NEURL1: variants seen among roughly 807,000 people sequenced by gnomAD.
NEURL1 encodes the protein E3 ubiquitin-protein ligase NEURL1.
Under a neutral mutation model 41.2 loss-of-function variants are expected in NEURL1, and 26 were observed. That is an observed-to-expected ratio of 0.63 (90% CI 0.46 to 0.87). NEURL1 has a LOEUF of 0.87. Among genes scored for constraint, NEURL1 ranks in the 40% least tolerant of loss-of-function variants. The pLI is 0.00. For synonymous variants in NEURL1, 400 were observed against 402.3 expected (o/e 0.99, Z 0.07); for missense variants, 761 against 871.1 (o/e 0.87, Z 1.59).
intron 1 of NEURL1, among the ~76,000 whole-genome samples, chr10:103,570,168 C>A (rs908414241): frequency 6.6e-6 from 1 of 152,216 alleles, no homozygotes; most frequent in Non-Finnish European, 1.5e-5. Context: ...CTCCATTCTT[C>A]ACGGTTCTGT....
At chr10:103,536,314 C>T (rs998686638) in intron 1 of NEURL1, among the ~76,000 whole-genome samples, 1 of 152,114 alleles carries the variant, frequency 6.6e-6, no homozygotes, top group East Asian at 1.9e-4. Context: ...GAGGCTGAGG[C>T]GGGTGGATCA....
rs2035861421 is a variant in NEURL1, at chr10:103,584,680, C to A, written c.794C>A (p.Ala265Asp). 7.0e-7 allele frequency: 1 copy of A among 1,429,926 alleles called. No homozygotes were observed. Among genetic ancestry groups the A allele is most frequent in the Non-Finnish European group, 9.1e-7 (1 of 1,097,882 alleles). 88.6% of individuals were successfully genotyped at this position (1,429,926 alleles called of 1,614,324 possible). A position where few individuals can be genotyped will look rare whatever the true frequency, so the allele number is the denominator to read the frequency against. Reference protein sequence around the residue: ...LNVPGADGDEAAPAAGCPIPQ... With the variant: ...LNVPGADGDEDAPAAGCPIPQ... Reference sequence around the variant, plus strand: ...GTGCCGGGCGCGGACGGCGACGAGGCCGCGCCGGCCGCCGGCTGCCCCATC... The same window carrying A: ...GTGCCGGGCGCGGACGGCGACGAGGACGCGCCGGCCGCCGGCTGCCCCATC... Residue 265 changes from alanine (A) to aspartate (D), a missense_variant, in exon 4 of 6, where the codon GCC becomes GAC. Physicochemically the swap from Ala to Asp is moderately radical, Grantham distance 126. This residue lies in a region of NEURL1 where 443 missense variants were observed against 408.1 expected (regional missense o/e 1.09). Coordinates refer to ENST00000369780, the MANE Select transcript of NEURL1 (RefSeq NM_004210.5).
intron 1 of NEURL1, among the ~76,000 whole-genome samples, chr10:103,509,310 T>C (rs1164007397): frequency 6.6e-6 from 1 of 151,682 alleles, no homozygotes; most frequent in East Asian, 1.9e-4. Flanking sequence ...ATTCTGAGAA[T>C]TGTGTTGTTA....
chr10:103,504,558 C>T (rs566483509), intron 1 of NEURL1, among the ~76,000 whole-genome samples: 5 of 152,282 alleles, frequency 3.3e-5, no homozygotes, highest in African/African-American at 9.6e-5. Flanking sequence ...TGACCTTGAG[C>T]GCCTGGCTGA....
At chr10:103,586,255 AAAGTGTC>A in intron 4 of NEURL1, among the ~76,000 whole-genome samples, 1 of 152,182 alleles carries the variant, frequency 6.6e-6, no homozygotes, top group African/African-American at 2.4e-5. Flanking sequence ...ATCTTTTCAC[AAAGTGTC>A]TCCTGGTACC....
chr10:103,563,056 G>T (rs1202156404), intron 1 of NEURL1, among the ~76,000 whole-genome samples: 1 of 152,158 alleles, frequency 6.6e-6, no homozygotes, highest in African/African-American at 2.4e-5. Flanking sequence ...TTCAGTTAAT[G>T]CAGTTAAACG....
chr10:103,515,955 C>T lies in NEURL1; in HGVS notation c.85+21483C>T, dbSNP rs186947690. Reference sequence around the variant, plus strand: ...TTAAGAGGTGTGCTTTGGCCGAGTGCGGTGGCTCATGCCTGTAATCCCAGC... The same window carrying T: ...TTAAGAGGTGTGCTTTGGCCGAGTGTGGTGGCTCATGCCTGTAATCCCAGC... On this transcript the variant is annotated intron_variant, in intron 1 of 5. Coordinates refer to ENST00000369780, the MANE Select transcript of NEURL1 (RefSeq NM_004210.5). Among the ~76,000 whole-genome samples the T allele has an allele frequency of 1.4e-3, 219 of 152,078 alleles. 1 individual carries two copies. Among genetic ancestry groups the T allele is most frequent in the African/African-American group, 4.7e-3 (196 of 41,488 alleles).
intron 1 of NEURL1, among the ~76,000 whole-genome samples, chr10:103,530,838 C>T (rs954540201): frequency 6.6e-6 from 1 of 151,962 alleles, no homozygotes; most frequent in African/African-American, 2.4e-5. Context: ...CCACACCTGG[C>T]CATGATTTCG....
At chr10:103,533,457 C>T (rs113411616) in intron 1 of NEURL1, among the ~76,000 whole-genome samples, 33,108 of 151,414 alleles carry the variant, frequency 0.22, 3,820 homozygotes, top group East Asian at 0.28. Flanking sequence ...GCAACCTCTG[C>T]CTCCTAGGTT....
intron 1 of NEURL1, chr10:103,555,211 A>C: frequency 1.7e-6 from 1 of 589,366 alleles, no homozygotes; most frequent in Non-Finnish European, 1.9e-6. Flanking sequence ...CGTGTGCCGG[A>C]GGGGGCGCGT....
At position 103,519,610 on chromosome 10, in the gene NEURL1, C is replaced by T. The variant is rs2034299131; in HGVS notation, c.85+25138C>T. On this transcript the variant is annotated intron_variant, in intron 1 of 5. Transcript: ENST00000369780. The stretch of plus-strand genomic sequence containing the variant: ...TCTGAGGGCTGGTCGGGTCTAGTTC[C>T]CTCCATAGAGATTAAGGAACCCCTT... Among the ~76,000 whole-genome samples the T allele has an allele frequency of 2.0e-5, 3 of 152,110 alleles. No individual in the cohort carries two copies. The South Asian group carries it at 6.2e-4, about 32-fold the overall frequency.
At chr10:103,504,687 C>T (rs1004556573) in intron 1 of NEURL1, among the ~76,000 whole-genome samples, 6 of 152,146 alleles carry the variant, frequency 3.9e-5, no homozygotes, top group African/African-American at 1.4e-4. Context: ...GGGGGGGTTA[C>T]GCTCCACAGG....
chr10:103,543,063 T>C (rs1234309819), intron 1 of NEURL1, among the ~76,000 whole-genome samples: 2 of 152,130 alleles, frequency 1.3e-5, no homozygotes, highest in East Asian at 1.9e-4. Flanking sequence ...CTGCTATAAA[T>C]GGTTTATGCA....
At chr10:103,517,143 C>G (rs2034234914) in intron 1 of NEURL1, among the ~76,000 whole-genome samples, 1 of 152,146 alleles carries the variant, frequency 6.6e-6, no homozygotes, top group South Asian at 2.1e-4. Context: ...CCTCCCACCT[C>G]AGCCTCCTGA....
In NEURL1 at chr10:103,585,217, G is replaced by A. The variant is rs868664601; in HGVS notation, c.1331G>A (p.Arg444His). The A allele has an allele frequency of 2.6e-6, 4 of 1,532,726 alleles. No homozygotes were observed. Among genetic ancestry groups the A allele is most frequent in the South Asian group, 1.2e-5 (1 of 80,914 alleles). The allele number at this position is 1,532,726 out of a possible 1,614,324, so 94.9% of individuals were successfully genotyped here. A position where few individuals can be genotyped will look rare whatever the true frequency, so the allele number is the denominator to read the frequency against. ...CTGCACGGGACCATCACGCAGATCC[G>A]CATCCTCGGTGAGTGCCCGCAGCTG... Reference protein sequence around the residue: ...FGLHGTITQIRILGSTILAER... With the variant: ...FGLHGTITQIHILGSTILAER... The change falls in exon 4 of 6, where the codon CGC becomes CAC. Residue 444 changes from arginine to histidine, a missense_variant. Coordinates refer to ENST00000369780, the MANE Select transcript of NEURL1 (RefSeq NM_004210.5).
chr10:103,547,783 C>T (rs1366878400), intron 1 of NEURL1, among the ~76,000 whole-genome samples: 2 of 151,604 alleles, frequency 1.3e-5, no homozygotes, highest in Non-Finnish European at 2.9e-5. Flanking sequence ...GATTTAACCT[C>T]CTGTTATCAG....
At chr10:103,573,404 A>C (rs369402409) in intron 3 of NEURL1, among the ~76,000 whole-genome samples, 16 of 151,850 alleles carry the variant, frequency 1.1e-4, no homozygotes, top group Admixed American at 7.2e-4. Flanking sequence ...CAGTTTCTTC[A>C]TCTGTAACGT....
intron 1 of NEURL1, among the ~76,000 whole-genome samples, chr10:103,505,048 C>CTTT (rs35244731): frequency 0.044 from 6,199 of 139,396 alleles, 134 homozygotes; most frequent in African/African-American, 0.06. Context: ...TCTCCTGTAT[C>CTTT]TTTTTTTTTT....
intron 5 of NEURL1, 35 bp from the exon 6 acceptor site, chr10:103,590,099 A>G (rs2036006097): frequency 6.2e-7 from 1 of 1,600,404 alleles, no homozygotes; most frequent in Non-Finnish European, 8.5e-7. Context: ...GGGTTGGGCC[A>G]TGTCTCCTCC....
Sources: gnomAD v4.1 joint callset for allele counts (sites outside exome capture counted in the v4.1 genomes callset) on GRCh38, gnomAD v4.1.1 for gene constraint, gnomAD v4.1.1 regional missense constraint, MANE v1.5 for transcripts, NCBI Gene and HGNC (gene_info 2026-07-23, HGNC 2026-07-21) for gene names.